NOL4L: variants seen among roughly 807,000 people sequenced by gnomAD.
NOL4L encodes the protein nucleolar protein 4 like, also known as nucleolar protein 4-like.
A neutral mutation model predicts 64.5 loss-of-function variants in NOL4L; 7 were observed. The ratio of observed to expected loss-of-function variants is 0.11; its 90% CI spans 0.06 to 0.20. The LOEUF is 0.20. Among genes scored for constraint, NOL4L ranks in the 10% least tolerant of loss-of-function variants. The probability of loss-of-function intolerance (pLI) is 1.00; values close to 1 mark genes in which losing one functional copy is unlikely to be tolerated. For missense variants in NOL4L, 680 were observed against 967.1 expected (o/e 0.70, Z 3.94); for synonymous variants, 413 against 401.0 (o/e 1.03, Z -0.36).
chr20:32,498,024 G>A (rs2016766034), intron 4 of NOL4L, among the ~76,000 whole-genome samples: 1 of 152,210 alleles, frequency 6.6e-6, no homozygotes, highest in South Asian at 2.1e-4. Flanking sequence ...TAATAAAGTT[G>A]AAAGGCCACC....
intron 4 of NOL4L, among the ~76,000 whole-genome samples, chr20:32,508,210 C>T (rs1041554167): frequency 2.6e-5 from 4 of 152,208 alleles, no homozygotes; most frequent in African/African-American, 4.8e-5. Context: ...TGACAGCAGC[C>T]GAACCTGTCC....
intron 4 of NOL4L, among the ~76,000 whole-genome samples, chr20:32,484,948 C>T (rs1425913051): frequency 6.6e-6 from 1 of 151,360 alleles, no homozygotes; most frequent in Non-Finnish European, 1.5e-5. Context: ...TCCATTCCCA[C>T]CCCACCCCTC....
rs2013530786 is a variant in NOL4L, at chr20:32,456,392, T to C, written c.845A>G (p.Asp282Gly). The C allele has an allele frequency of 1.4e-6, 2 of 1,459,590 alleles. No homozygotes were observed. Among genetic ancestry groups the C allele is most frequent in the African/African-American group, 1.5e-5 (1 of 68,958 alleles). The allele number at this position is 1,459,590 out of a possible 1,614,324, so 90.4% of individuals were successfully genotyped here. ...PQNLHSQEDD[D>G]SSSESGSGNG... ...GCCGCTGCCACTCTCAGAGGAGGAG[T>C]CATCTGGAATGAGAGGCCTGGGTGT... Residue 282 changes from aspartate (D) to glycine (G), a missense_variant, in exon 6 of 11, where the codon GAC becomes GGC. By Grantham distance (94) the Asp-to-Gly change is moderately conservative. Coordinates refer to ENST00000621426, the MANE Select transcript of NOL4L (RefSeq NM_001256798.2).
Position 32,469,131 on chromosome 20 carries a change from G to A in NOL4L, c.841+5470C>T, listed in dbSNP as rs557209673. On this transcript the variant is annotated intron_variant, in intron 5 of 10. Transcript: ENST00000621426. ...AGCAGGGTCAGGCTGGGCACACAGC[G>A]GGCTCAGGAATGGGACCCCAGTCAC... 2.0e-4 allele frequency among the ~76,000 whole-genome samples: 30 copies of A among 152,106 alleles called. No individual in the cohort carries two copies. The East Asian group carries it at 3.1e-3, about 16-fold the overall frequency.
chr20:32,555,993 AT>A (rs1164073584), intron 1 of NOL4L, among the ~76,000 whole-genome samples: 1 of 151,970 alleles, frequency 6.6e-6, no homozygotes, highest in African/African-American at 2.4e-5. Flanking sequence ...TATTCTGCGT[AT>A]TTCTGTGATC....
chr20:32,558,715 T>TGGGACTGGCC (rs1210658948), intron 1 of NOL4L, among the ~76,000 whole-genome samples: 1 of 152,202 alleles, frequency 6.6e-6, no homozygotes, highest in Non-Finnish European at 1.5e-5. Context: ...TCAGCGGTGC[T>TGGGACTGGCC]GGGCCTGGCC....
Position 32,578,150 on chromosome 20 carries a change from G to A in NOL4L, c.321+6420C>T, listed in dbSNP as rs148091901. Among the ~76,000 whole-genome samples the A allele has an allele frequency of 0.024, 1,878 of 78,288 alleles. 42 individuals are homozygous for A. In the East Asian group the frequency reaches 0.34, roughly 14 times the overall value. 51.4% of individuals were successfully genotyped at this position (78,288 alleles called of 152,430 possible). Reference sequence around the variant, plus strand: ...AAGGAAGGAAGGAAGGAGGGAGGGAGGGAGGGAGGGAGGGAGGGAGGGAGG... The same window carrying A: ...AAGGAAGGAAGGAAGGAGGGAGGGAAGGAGGGAGGGAGGGAGGGAGGGAGG... On this transcript the variant is annotated intron_variant, in intron 1 of 10. Transcript: ENST00000621426.
chr20:32,532,576 G>A (rs183203511), intron 1 of NOL4L, among the ~76,000 whole-genome samples: 30 of 152,324 alleles, frequency 2.0e-4, no homozygotes, highest in Admixed American at 1.6e-3. Flanking sequence ...GGGAAGAGCT[G>A]CTAATAAAGG....
chr20:32,496,675 C>T (rs905962563), intron 4 of NOL4L, among the ~76,000 whole-genome samples: 2 of 151,948 alleles, frequency 1.3e-5, no homozygotes, highest in East Asian at 1.9e-4. Flanking sequence ...CTCAGCCTCC[C>T]GAGTAGCTGG....
intron 4 of NOL4L, among the ~76,000 whole-genome samples, chr20:32,486,252 A>T (rs1381018245): frequency 6.6e-6 from 1 of 152,082 alleles, no homozygotes; most frequent in Non-Finnish European, 1.5e-5. Context: ...CCCACTCCTT[A>T]AAGTGGCCAC....
chr20:32,583,491 G>A (rs1270915526), intron 1 of NOL4L, among the ~76,000 whole-genome samples: 2 of 148,054 alleles, frequency 1.4e-5, no homozygotes, highest in South Asian at 4.2e-4. Flanking sequence ...GAGGGAGGCC[G>A]GCGCGGGGCG....
chr20:32,456,009 TCA>T, intron 6 of NOL4L, 107 bp downstream of exon 6: 2 of 1,226,130 alleles, frequency 1.6e-6, no homozygotes, highest in South Asian at 1.9e-5. Context: ...TGGCTCGGTG[TCA>T]CACACATGGG....
intron 4 of NOL4L, among the ~76,000 whole-genome samples, chr20:32,500,510 C>T (rs1347827560): frequency 6.2e-5 from 9 of 145,086 alleles, no homozygotes; most frequent in Admixed American, 2.1e-4. Context: ...CCTGCCACCA[C>T]GCCCAGCTAA....
Position 32,447,429 on chromosome 20 carries a change from A to AAAAAAATT in NOL4L, c.*166_*167insAATTTTTT. ...AAAAAAAAAAAAAAAAAAAAAAAAAAGTGTCCTTGTGCCCAAAGTCTCAGG... is the reference window on the plus strand; with the variant it reads ...AAAAAAAAAAAAAAAAAAAAAAAAAAAAAAAATTGTGTCCTTGTGCCCAAAGTCTCAGG... On this transcript the variant is annotated 3_prime_UTR_variant, in exon 11 of 11. Transcript: ENST00000621426. 9 of 757,708 alleles carry AAAAAAATT rather than the reference A, an allele frequency of 1.2e-5. No homozygotes were observed. Among genetic ancestry groups the AAAAAAATT allele is most frequent in the African/African-American group, 1.8e-5 (1 of 55,938 alleles). The allele number at this position is 757,708 out of a possible 1,614,324, so 46.9% of individuals were successfully genotyped here.
chr20:32,584,906 G>C lies in NOL4L; in HGVS notation c.-16C>G. The C allele has an allele frequency of 2.5e-6, 3 of 1,210,832 alleles. No homozygotes were observed. Among genetic ancestry groups the C allele is most frequent in the East Asian group, 3.4e-5 (1 of 29,408 alleles). 75.0% of individuals were successfully genotyped at this position (1,210,832 alleles called of 1,614,324 possible). A position where few individuals can be genotyped will look rare whatever the true frequency, so the allele number is the denominator to read the frequency against. On this transcript the variant is annotated 5_prime_UTR_variant, in exon 1 of 11. Coordinates refer to ENST00000621426, the MANE Select transcript of NOL4L (RefSeq NM_001256798.2). ...GCTTCGGCATCCTCCCGCCGCGCCC[G>C]GCGCCCTCGGGGGCGGGCCGGCCGC...
intron 4 of NOL4L, among the ~76,000 whole-genome samples, chr20:32,503,033 T>G (rs1212561262): frequency 6.6e-6 from 1 of 152,136 alleles, no homozygotes; most frequent in African/African-American, 2.4e-5. Flanking sequence ...CGGTGGAAGG[T>G]CTGGGGGCAC....
chr20:32,473,996 T>C (rs1265198550), intron 5 of NOL4L, among the ~76,000 whole-genome samples: 1 of 152,204 alleles, frequency 6.6e-6, no homozygotes, highest in East Asian at 1.9e-4. Flanking sequence ...TTCCTGACCC[T>C]AACTCTCCAA....
intron 4 of NOL4L, among the ~76,000 whole-genome samples, chr20:32,503,119 C>G (rs971242004): frequency 1.3e-5 from 2 of 152,150 alleles, no homozygotes; most frequent in African/African-American, 2.4e-5. Flanking sequence ...TGTCCTCTGC[C>G]TAGAGAAATC....
At chr20:32,517,137 G>A (rs2017701767) in intron 3 of NOL4L, among the ~76,000 whole-genome samples, 1 of 152,146 alleles carries the variant, frequency 6.6e-6, no homozygotes, top group Admixed American at 6.5e-5. Context: ...AGGGCACGGG[G>A]CTGTCCAGGT....
Sources: allele counts gnomAD v4.1 joint callset (sites outside exome capture counted in the v4.1 genomes callset), GRCh38; gene constraint gnomAD v4.1.1; transcripts MANE v1.5; gene names NCBI Gene and HGNC (gene_info 2026-07-23, HGNC 2026-07-21).